The following ZNF507 variants were observed in gnomAD, a reference collection of about 807,000 sequenced individuals.
The protein encoded by ZNF507 is zinc finger protein 507.
Under a neutral mutation model 80.0 loss-of-function variants are expected in ZNF507, and 29 were observed. That is an observed-to-expected ratio of 0.36 (90% CI 0.27 to 0.49). The LOEUF (loss-of-function observed/expected upper bound fraction) is 0.49. Among genes scored for constraint, ZNF507 ranks in the 20% least tolerant of loss-of-function variants. ZNF507 has a pLI of 0.98. For missense variants in ZNF507, 1,081 were observed against 1,152.2 expected, an observed-to-expected ratio of 0.94 and a Z score of 0.90; for synonymous variants, 462 against 422.5, an observed-to-expected ratio of 1.09 and a Z score of -1.15.
At chr19:32,352,353 A>G (rs892845631) in intron 2 of ZNF507, among the ~76,000 whole-genome samples, 1 of 152,228 alleles carries the variant, frequency 6.6e-6, no homozygotes, top group African/African-American at 2.4e-5. Context: ...TATATTTGGT[A>G]TAAGAAATAC....
chr19:32,363,694 A>C (rs1967360215), intron 5 of ZNF507, among the ~76,000 whole-genome samples: 1 of 152,240 alleles, frequency 6.6e-6, no homozygotes, highest in South Asian at 2.1e-4. Context: ...GCTGGTAGTT[A>C]CTGGGCCCAG....
At position 32,360,613 on chromosome 19, in the gene ZNF507, G is replaced by T. The variant is rs774646076; in HGVS notation, c.2355G>T (p.Pro785=). 6.5e-7 allele frequency: 1 copy of T among 1,549,180 alleles called. No individual in the cohort carries two copies. Among genetic ancestry groups the T allele is most frequent in the East Asian group, 2.3e-5 (1 of 43,392 alleles). The change falls in exon 5 of 7, where the codon CCG becomes CCT. Residue 785 remains proline (P), a synonymous_variant. Transcript: ENST00000355898. ...NHRRIHNSDK[P]YRCSLCGYVC... is the part of the protein sequence containing the mutation. ...GGCGAATCCATAACTCTGATAAGCCGTACAGGTAAGTGTTATGATTCTAGA... is the reference window on the plus strand; with the variant it reads ...GGCGAATCCATAACTCTGATAAGCCTTACAGGTAAGTGTTATGATTCTAGA...
chr19:32,382,931 A>T lies in ZNF507; in HGVS notation c.2710A>T (p.Met904Leu). The change falls in exon 7 of 7, where the codon ATG becomes TTG. Residue 904 changes from methionine (M) to leucine (L), a missense_variant. Met to Leu is a conservative substitution (Grantham distance 15, BLOSUM62 2). Transcript: ENST00000355898. ...EKISSLAPPS[M>L]EYCVLLFCCC... ...AATCTCCAGTCTGGCCCCTCCTAGC[A>T]TGGAGTACTGCGTTTTACTCTTCTG... The T allele has an allele frequency of 6.2e-7, 1 of 1,614,156 alleles. No individual in the cohort carries two copies. The highest frequency in any genetic ancestry group is 8.5e-7 in the Non-Finnish European group (1 of 1,180,010).
rs775762068 is a variant in ZNF507, at chr19:32,354,343, A to G, written c.1513A>G (p.Ile505Val). ...LAAEALVTMP[I>V]RAAELTRANL... ...TGCAGAAGCCCTTGTCACAATGCCT[A>G]TAAGAGCTGCAGAGTTGACAAGAGC... The change falls in exon 3 of 7, where the codon ATA becomes GTA. Residue 505 changes from isoleucine to valine, a missense_variant. Transcript: ENST00000355898. The G allele has an allele frequency of 2.1e-5, 34 of 1,614,084 alleles. No individual in the cohort carries two copies. Among genetic ancestry groups the G allele is most frequent in the Admixed American group, 5.0e-5 (3 of 60,006 alleles).
intron 5 of ZNF507, among the ~76,000 whole-genome samples, chr19:32,366,538 A>G (rs1035565028): frequency 6.6e-6 from 1 of 152,208 alleles, no homozygotes; most frequent in Non-Finnish European, 1.5e-5. Context: ...AGTTCCACCT[A>G]GCAGAATTGC....
chr19:32,353,517 A>T lies in ZNF507; in HGVS notation c.687A>T (p.Ala229=). The T allele has an allele frequency of 6.2e-7, 1 of 1,614,232 alleles. No individual in the cohort carries two copies. Among genetic ancestry groups the T allele is most frequent in the Non-Finnish European group, 8.5e-7 (1 of 1,180,038 alleles). The change falls in exon 3 of 7, where the codon GCA becomes GCT. Residue 229 remains alanine (A), a synonymous_variant. Transcript: ENST00000355898. ...DNLQTHTVQT[A]SVAEMGRRKW... ...TACAGACTCATACTGTCCAAACTGC[A>T]TCTGTGGCAGAAATGGGTAGGAGGA...
intron 4 of ZNF507, chr19:32,357,864 C>A (rs1043556518): frequency 5.9e-5 from 9 of 152,288 alleles, no homozygotes; most frequent in African/African-American, 2.2e-4. Context: ...CTCAGTAGCA[C>A]CACCTGCAGT....
At position 32,383,146 on chromosome 19, in the gene ZNF507, T is replaced by G; in HGVS notation, c.*63T>G. ...GATTCCTTCACCACAGTTTCACCTTTACGCTGTCAGACAACTTCCTGCCAC... is the reference window on the plus strand; with the variant it reads ...GATTCCTTCACCACAGTTTCACCTTGACGCTGTCAGACAACTTCCTGCCAC... On this transcript the variant is annotated 3_prime_UTR_variant, in exon 7 of 7. Coordinates refer to ENST00000355898, the MANE Select transcript of ZNF507 (RefSeq NM_001136156.2). 2.6e-6 allele frequency: 4 copies of G among 1,536,082 alleles called. No homozygotes were observed. Among genetic ancestry groups the G allele is most frequent in the Non-Finnish European group, 3.5e-6 (4 of 1,140,306 alleles).
chr19:32,375,240 A>G (rs1457728514), intron 5 of ZNF507, among the ~76,000 whole-genome samples: 1 of 152,242 alleles, frequency 6.6e-6, no homozygotes, highest in African/African-American at 2.4e-5. Flanking sequence ...GGGAGAAAGC[A>G]CTACTGGCAT....
chr19:32,384,195 TAAC>T lies in ZNF507; in HGVS notation c.*1115_*1117del, dbSNP rs1209340307. On this transcript the variant is annotated 3_prime_UTR_variant, in exon 7 of 7. Transcript: ENST00000355898. ...TTCAGGTTGTTTGTAAAAATTTTAA[TAAC>T]AAATAGCATTTGGCAAGTCTATAGG... The T allele has an allele frequency of 6.6e-6, 1 of 152,204 alleles. No homozygotes were observed. Among genetic ancestry groups the T allele is most frequent in the Non-Finnish European group, 1.5e-5 (1 of 68,020 alleles). The allele number at this position is 152,204 out of a possible 1,614,324, so 9.4% of individuals were successfully genotyped here.
intron 5 of ZNF507, chr19:32,380,605 G>A (rs1186033373): frequency 6.5e-7 from 1 of 1,535,358 alleles, no homozygotes; most frequent in African/African-American, 1.4e-5. Context: ...TCTTATTGGT[G>A]TAGGAAAGAG....
At position 32,382,474 on chromosome 19, in the gene ZNF507, C is replaced by T. The variant is rs771716443; in HGVS notation, c.2368C>T (p.Leu790=). 3 of 1,613,944 alleles carry T rather than the reference C, an allele frequency of 1.9e-6. No individual in the cohort carries two copies. In the South Asian group the frequency reaches 3.3e-5, roughly 18 times the overall value. ...HNSDKPYRCS[L]CGYVCSHPPS... The stretch of plus-strand genomic sequence containing the variant: ...TGCCTGCCTGTCTTCCAGATGCTCT[C>T]TGTGTGGGTATGTGTGTAGCCATCC... Residue 790 remains leucine, a synonymous_variant, in exon 6 of 7, where the codon CTG becomes TTG. Transcript: ENST00000355898.
Position 32,360,582 on chromosome 19 carries a change from A to C in ZNF507, c.2324A>C (p.Asn775Thr), listed in dbSNP as rs770966495. ...YTSTTYVGVRNHRRIHNSDKP... is the reference protein window; with the variant it reads ...YTSTTYVGVRTHRRIHNSDKP... ...AGTACAACATATGTTGGTGTCAGAA[A>C]CCACAGGCGAATCCATAACTCTGAT... is the stretch of plus-strand genomic sequence containing the variant. The change falls in exon 5 of 7, where the codon AAC (asparagine) becomes ACC (threonine). Residue 775 changes from asparagine to threonine, a missense_variant. Transcript: ENST00000355898. 2.5e-6 allele frequency: 4 copies of C among 1,603,138 alleles called. No individual in the cohort carries two copies. The South Asian group carries it at 4.5e-5, about 18-fold the overall frequency.
rs758852148 is a variant in ZNF507, at chr19:32,382,758, G to C, written c.2537G>C (p.Ser846Thr). Residue 846 changes from serine (S) to threonine (T), a missense_variant, in exon 7 of 7, where the codon AGT becomes ACT. By Grantham distance (58) the Ser-to-Thr change is moderately conservative. Coordinates refer to ENST00000355898, the MANE Select transcript of ZNF507 (RefSeq NM_001136156.2). The part of the protein sequence containing the change: ...KSPGKTQLKS[S>T]EESADPVTGS... ...CCTGGAAAGACTCAATTAAAGAGCA[G>C]TGAAGAGAGTGCAGATCCCGTCACT... 7.4e-6 allele frequency: 12 copies of C among 1,614,048 alleles called. No individual in the cohort carries two copies. The highest frequency in any genetic ancestry group is 1.3e-5 in the African/African-American group (1 of 75,046).
chr19:32,347,689 T>C (rs1313382736), intron 2 of ZNF507, among the ~76,000 whole-genome samples: 2 of 152,092 alleles, frequency 1.3e-5, no homozygotes, highest in African/African-American at 2.4e-5. Context: ...ACAGAGGCAT[T>C]ACTCCCTAGA....
intron 5 of ZNF507, chr19:32,380,573 C>G (rs1183375534): frequency 6.5e-7 from 1 of 1,534,508 alleles, no homozygotes; most frequent in Non-Finnish European, 8.7e-7. Flanking sequence ...TTTCTTTGTG[C>G]CTCGTTATTG....
chr19:32,375,393 C>T (rs561717493), intron 5 of ZNF507, among the ~76,000 whole-genome samples: 2 of 152,344 alleles, frequency 1.3e-5, no homozygotes, highest in Admixed American at 1.3e-4. Context: ...TCACAAGAAA[C>T]ATGAAGGACA....
chr19:32,360,746 G>C, intron 5 of ZNF507, 128 bp downstream of exon 5: 2 of 467,104 alleles, frequency 4.3e-6, no homozygotes, highest in Non-Finnish European at 7.2e-6. Flanking sequence ...TTCACTAATT[G>C]GTTTTATATT....
At chr19:32,350,335 T>C (rs1032357894) in intron 2 of ZNF507, among the ~76,000 whole-genome samples, 5 of 152,182 alleles carry the variant, frequency 3.3e-5, no homozygotes, top group African/African-American at 1.2e-4. Context: ...ATAGCTGCCA[T>C]TACTGTACTT....
Sources: allele counts gnomAD v4.1 joint callset (sites outside exome capture counted in the v4.1 genomes callset), GRCh38; gene constraint gnomAD v4.1.1; transcripts MANE v1.5; gene names NCBI Gene and HGNC (gene_info 2026-07-23, HGNC 2026-07-21).